Variants in DIAPH2 observed in about 807,000 individuals in gnomAD.
The protein encoded by DIAPH2 is diaphanous related formin 2, also known as protein diaphanous homolog 2.
A neutral mutation model predicts 92.7 loss-of-function variants in DIAPH2; 35 were observed. The ratio of observed to expected loss-of-function variants is 0.38; its 90% CI spans 0.29 to 0.50. DIAPH2 has a LOEUF of 0.50. Ranked by LOEUF, DIAPH2 falls within the 20% of genes least tolerant of loss-of-function variation. The pLI is 0.94. For missense variants in DIAPH2, 701 were observed against 819.5 expected, an observed-to-expected ratio of 0.86 and a Z score of 1.77; for synonymous variants, 301 against 280.4, an observed-to-expected ratio of 1.07 and a Z score of -0.73.
intron 5 of DIAPH2, among the ~76,000 whole-genome samples, chrX:96,889,529 A>G (rs1442643831): frequency 8.9e-6 from 1 of 112,097 alleles, no homozygotes; most frequent in East Asian, 2.8e-4. Flanking sequence ...AATAAATAGC[A>G]CTTAATATTA....
chrX:97,219,267 T>C (rs2067906555), intron 22 of DIAPH2, among the ~76,000 whole-genome samples: 1 of 112,291 alleles, frequency 8.9e-6, no homozygotes, highest in Non-Finnish European at 1.9e-5. Context: ...TTTTAGTGAT[T>C]TATATGATAT....
At chrX:97,014,720 C>T (rs1000744075) in intron 17 of DIAPH2, among the ~76,000 whole-genome samples, 5 of 112,234 alleles carry the variant, frequency 4.5e-5, no homozygotes, top group Admixed American at 2.8e-4. Flanking sequence ...GATTTGGAAA[C>T]AGGCACTGCC....
At chrX:96,837,394 TTCCTCCCTCC>T in intron 4 of DIAPH2, among the ~76,000 whole-genome samples, 1 of 85,772 alleles carries the variant, frequency 1.2e-5, no homozygotes, top group East Asian at 4.7e-4. Flanking sequence ...CCTCCCTCCC[TTCCTCCCTCC>T]CTCTCTCTCT....
At chrX:97,332,962 G>A (rs576450845) in intron 23 of DIAPH2, among the ~76,000 whole-genome samples, 1 of 112,076 alleles carries the variant, frequency 8.9e-6, no homozygotes, top group Admixed American at 9.5e-5. Context: ...TTCACACTGA[G>A]TACAGTTTTT....
chrX:96,882,085 C>G (rs1369213768), intron 5 of DIAPH2, among the ~76,000 whole-genome samples: 1 of 108,113 alleles, frequency 9.2e-6, no homozygotes, highest in Admixed American at 9.9e-5. Flanking sequence ...GAGTCTTGCT[C>G]TGTTGCCCAG....
chrX:96,744,529 A>G (rs1263110767), intron 3 of DIAPH2, among the ~76,000 whole-genome samples: 1 of 112,438 alleles, frequency 8.9e-6, no homozygotes, highest in Admixed American at 9.4e-5. Context: ...GAGGAGAAGT[A>G]GAAGGCAAAT....
chrX:97,474,891 A>G (rs1311103627), intron 26 of DIAPH2, among the ~76,000 whole-genome samples: 1 of 111,182 alleles, frequency 9.0e-6, no homozygotes, highest in East Asian at 2.8e-4. Context: ...CTAAATGTAA[A>G]CCTTGCTTTA....
chrX:96,936,059 C>G (rs770791823), intron 10 of DIAPH2, among the ~76,000 whole-genome samples: 1 of 111,634 alleles, frequency 9.0e-6, no homozygotes, highest in Non-Finnish European at 1.9e-5. Flanking sequence ...CCATTTCAAA[C>G]TGGAAAACTA....
intron 26 of DIAPH2, among the ~76,000 whole-genome samples, chrX:97,578,037 C>T (rs2071409625): frequency 9.3e-6 from 1 of 107,435 alleles, no homozygotes; most frequent in Non-Finnish European, 1.9e-5. Flanking sequence ...TGTTTTAAAT[C>T]CACTGCAGCC....
intron 26 of DIAPH2, among the ~76,000 whole-genome samples, chrX:97,526,806 CA>C (rs1333458203): frequency 8.9e-6 from 1 of 112,034 alleles, no homozygotes; most frequent in African/African-American, 3.2e-5. Flanking sequence ...TCCTAGTCCA[CA>C]CCCACTCTGC....
intron 1 of DIAPH2, among the ~76,000 whole-genome samples, chrX:96,726,729 C>A (rs939930912): frequency 8.9e-6 from 1 of 112,134 alleles, no homozygotes; most frequent in African/African-American, 3.2e-5. Flanking sequence ...AATTTATTAT[C>A]TTTGTGATTT....
chrX:97,300,960 AAAAAAG>A (rs1324397455), intron 23 of DIAPH2, among the ~76,000 whole-genome samples: 105 of 57,213 alleles, frequency 1.8e-3, no homozygotes, highest in Non-Finnish European at 3.1e-3. Context: ...AAAAAAAAAA[AAAAAAG>A]AAGAAGAAGA....
chrX:97,213,983 C>T (rs1417552155), intron 22 of DIAPH2, among the ~76,000 whole-genome samples: 2 of 111,938 alleles, frequency 1.8e-5, no homozygotes, highest in Admixed American at 9.5e-5. Context: ...TGGTTTTAAT[C>T]TTGATCTTTG....
At chrX:97,286,341 G>A (rs887199771) in intron 23 of DIAPH2, among the ~76,000 whole-genome samples, 10 of 110,610 alleles carry the variant, frequency 9.0e-5, no homozygotes, top group African/African-American at 3.3e-4. Flanking sequence ...GAGCCACCGC[G>A]CCTGGCCCAG....
intron 22 of DIAPH2, among the ~76,000 whole-genome samples, chrX:97,229,936 G>A (rs867457566): frequency 1.6e-4 from 17 of 106,143 alleles, no homozygotes; most frequent in Middle Eastern, 4.9e-3. Context: ...ATATATAATA[G>A]CAAAAGCCTT....
chrX:97,552,789 T>G (rs1277547896), intron 26 of DIAPH2, among the ~76,000 whole-genome samples: 2 of 112,039 alleles, frequency 1.8e-5, no homozygotes. Context: ...TGTATTAGTT[T>G]GCTAGGGCAG....
At chrX:96,836,321 A>C (rs2064886402) in intron 4 of DIAPH2, among the ~76,000 whole-genome samples, 1 of 109,652 alleles carries the variant, frequency 9.1e-6, no homozygotes, top group African/African-American at 3.3e-5. Flanking sequence ...AATGATTTAG[A>C]GAACTTTTGT....
At chrX:97,368,299 C>A (rs1456105399) in intron 24 of DIAPH2, among the ~76,000 whole-genome samples, 1 of 111,556 alleles carries the variant, frequency 9.0e-6, no homozygotes, top group Non-Finnish European at 1.9e-5. Context: ...ATAGTTATAT[C>A]CCTTAATTCA....
At chrX:97,598,295 G>C (rs942999940) in intron 26 of DIAPH2, among the ~76,000 whole-genome samples, 1 of 112,018 alleles carries the variant, frequency 8.9e-6, no homozygotes, top group Non-Finnish European at 1.9e-5. Flanking sequence ...CATCACTAAA[G>C]CAGAGATAAT....
Sources: allele counts gnomAD v4.1 joint callset (sites outside exome capture counted in the v4.1 genomes callset), GRCh38; gene constraint gnomAD v4.1.1; transcripts MANE v1.5; gene names NCBI Gene and HGNC (gene_info 2026-07-23, HGNC 2026-07-21).